The following IMMP2L variants were observed in gnomAD, a reference collection of about 807,000 sequenced individuals.
IMMP2L encodes the protein inner mitochondrial membrane peptidase subunit 2.
IMMP2L carries 18 observed loss-of-function variants against 19.3 expected under a neutral mutation model. That is an observed-to-expected ratio of 0.93 (90% confidence interval 0.64 to 1.38). The LOEUF (loss-of-function observed/expected upper bound fraction) is 1.38, where lower values mean the gene tolerates loss of function less well. Ranked by LOEUF, IMMP2L falls within the 40% of genes most tolerant of loss-of-function variation. The probability of loss-of-function intolerance (pLI) is 0.00; values close to 1 mark genes in which losing one functional copy is unlikely to be tolerated. For missense variants in IMMP2L, 233 were observed against 218.2 expected (o/e 1.07, Z -0.43); for synonymous variants, 76 against 73.0 (o/e 1.04, Z -0.21).
chr7:111,088,992 A>G (rs1289830842), intron 3 of IMMP2L, among the ~76,000 whole-genome samples: 1 of 152,128 alleles, frequency 6.6e-6, no homozygotes, highest in African/African-American at 2.4e-5. Flanking sequence ...ATGATATTAA[A>G]TTTATAAAAA....
chr7:111,221,591 T>A (rs1166596423), intron 3 of IMMP2L, among the ~76,000 whole-genome samples: 1 of 151,994 alleles, frequency 6.6e-6, no homozygotes, highest in East Asian at 1.9e-4. Context: ...AAAATGTGTA[T>A]AATCACATTA....
At chr7:111,413,509 T>A (rs371448753) in intron 3 of IMMP2L, among the ~76,000 whole-genome samples, 4 of 152,144 alleles carry the variant, frequency 2.6e-5, no homozygotes, top group African/African-American at 9.6e-5. Flanking sequence ...TACATCATGA[T>A]GAGGTTTGGC....
chr7:110,717,361 A>G (rs931506983), intron 5 of IMMP2L, among the ~76,000 whole-genome samples: 1 of 152,208 alleles, frequency 6.6e-6, no homozygotes, highest in African/African-American at 2.4e-5. Context: ...GCTACTTGGG[A>G]GGCTGAGGCA....
chr7:111,380,561 A>G (rs1831101819), intron 3 of IMMP2L, among the ~76,000 whole-genome samples: 1 of 152,060 alleles, frequency 6.6e-6, no homozygotes, highest in Non-Finnish European at 1.5e-5. Context: ...GATATGTAAC[A>G]ATATTTTTAC....
intron 3 of IMMP2L, among the ~76,000 whole-genome samples, chr7:111,308,212 T>C (rs1381457480): frequency 6.6e-6 from 1 of 152,016 alleles, no homozygotes; most frequent in Non-Finnish European, 1.5e-5. Flanking sequence ...AGATATATTG[T>C]GACAAAATCT....
At chr7:111,241,457 C>A (rs950467704) in intron 3 of IMMP2L, among the ~76,000 whole-genome samples, 2 of 151,866 alleles carry the variant, frequency 1.3e-5, no homozygotes, top group African/African-American at 4.8e-5. Context: ...GATGCAAATT[C>A]TGGCTCTAGA....
intron 5 of IMMP2L, among the ~76,000 whole-genome samples, chr7:110,872,597 A>C (rs1196221297): frequency 2.0e-5 from 3 of 152,122 alleles, no homozygotes; most frequent in African/African-American, 7.2e-5. Context: ...TGGTTGGTCT[A>C]CAGGTAGATA....
intron 3 of IMMP2L, among the ~76,000 whole-genome samples, chr7:111,281,643 A>G (rs1158722801): frequency 6.6e-6 from 1 of 152,188 alleles, no homozygotes; most frequent in African/African-American, 2.4e-5. Context: ...GTCAAAACTA[A>G]GAAGACATTA....
intron 2 of IMMP2L, among the ~76,000 whole-genome samples, chr7:111,504,312 A>C (rs1164622218): frequency 1.3e-5 from 2 of 152,176 alleles, no homozygotes; most frequent in Non-Finnish European, 2.9e-5. Flanking sequence ...CTGCTCAATG[A>C]AATAAAAGAG....
chr7:111,474,508 G>A (rs752054176), intron 3 of IMMP2L, among the ~76,000 whole-genome samples: 3 of 150,898 alleles, frequency 2.0e-5, no homozygotes, highest in African/African-American at 7.3e-5. Context: ...GCAGTTTTCC[G>A]CTTTTTTTTT....
At chr7:111,052,638 A>T (rs1793103968) in intron 3 of IMMP2L, among the ~76,000 whole-genome samples, 1 of 151,910 alleles carries the variant, frequency 6.6e-6, no homozygotes, top group Non-Finnish European at 1.5e-5. Flanking sequence ...TAACCCAACC[A>T]CCTTGGGCAT....
At chr7:111,401,161 C>A (rs1833392339) in intron 3 of IMMP2L, among the ~76,000 whole-genome samples, 1 of 152,076 alleles carries the variant, frequency 6.6e-6, no homozygotes, top group African/African-American at 2.4e-5. Context: ...GCCTCTTGAT[C>A]TAAAATGCAA....
chr7:110,796,066 T>A (rs1245086750), intron 5 of IMMP2L, among the ~76,000 whole-genome samples: 1 of 152,070 alleles, frequency 6.6e-6, no homozygotes, highest in African/African-American at 2.4e-5. Flanking sequence ...GATGGTTTTA[T>A]AAGGGGCCTT....
At chr7:110,701,000 T>A (rs1794246897) in intron 5 of IMMP2L, among the ~76,000 whole-genome samples, 1 of 152,230 alleles carries the variant, frequency 6.6e-6, no homozygotes, top group Non-Finnish European at 1.5e-5. Context: ...AGATATAAAT[T>A]ATTTTTAACA....
intron 3 of IMMP2L, among the ~76,000 whole-genome samples, chr7:111,367,838 TA>T (rs1290238257): frequency 6.6e-6 from 1 of 151,734 alleles, no homozygotes; most frequent in East Asian, 1.9e-4. Context: ...AAAACAGAGG[TA>T]AAATGCCCAT....
rs913167857 is a variant in IMMP2L at position 110,668,778 on chromosome 7, C to T, written c.409-5057G>A. The stretch of plus-strand genomic sequence containing the variant: ...TATGGGAATGCAAAATTCAGGGTTT[C>T]TTTTTTTTAATATTGAGAATAATAG... On this transcript the variant is annotated intron_variant, in intron 5 of 5. Transcript: ENST00000405709. Among the ~76,000 whole-genome samples, 16 of 144,094 alleles carry T rather than the reference C, an allele frequency of 1.1e-4. No individual in the cohort carries two copies. In the South Asian group the frequency reaches 1.4e-3, roughly 12 times the overall value. 94.5% of individuals were successfully genotyped at this position (144,094 alleles called of 152,430 possible). A position where few individuals can be genotyped will look rare whatever the true frequency, so the allele number is the denominator to read the frequency against.
intron 3 of IMMP2L, among the ~76,000 whole-genome samples, chr7:111,106,048 T>C (rs1002679271): frequency 6.6e-6 from 1 of 151,972 alleles, no homozygotes; most frequent in African/African-American, 2.4e-5. Flanking sequence ...AACATATTTG[T>C]AATATCACAG....
intron 5 of IMMP2L, among the ~76,000 whole-genome samples, chr7:110,873,805 T>A (rs1210577281): frequency 6.6e-6 from 1 of 151,238 alleles, no homozygotes; most frequent in Admixed American, 6.6e-5. Context: ...GAAAGCAACA[T>A]TTGCAAGAGG....
intron 5 of IMMP2L, among the ~76,000 whole-genome samples, chr7:110,756,847 T>C (rs1466658634): frequency 6.6e-6 from 1 of 152,224 alleles, no homozygotes; most frequent in South Asian, 2.1e-4. Context: ...TTATGGCTAA[T>C]GAAGAGAGGA....
Sources: gnomAD v4.1 joint callset for allele counts (sites outside exome capture counted in the v4.1 genomes callset) on GRCh38, gnomAD v4.1.1 for gene constraint, MANE v1.5 for transcripts, NCBI Gene and HGNC (gene_info 2026-07-23, HGNC 2026-07-21) for gene names.